Variants in MAML2 observed in about 807,000 individuals in gnomAD.
MAML2 encodes the protein mastermind like transcriptional coactivator 2.
A neutral mutation model predicts 96.1 loss-of-function variants in MAML2; 22 were observed. The observed-to-expected ratio is 0.23, with a 90% CI of 0.16 to 0.33. The LOEUF (loss-of-function observed/expected upper bound fraction) is 0.33. Among genes scored for constraint, MAML2 ranks in the 10% least tolerant of loss-of-function variants. MAML2 has a pLI of 1.00. For synonymous variants in MAML2, 561 were observed against 521.3 expected, an observed-to-expected ratio of 1.08 and a Z score of -1.04; for missense variants, 1,367 against 1,392.4, an observed-to-expected ratio of 0.98 and a Z score of 0.29.
chr11:96,341,250 T>C, intron 1 of MAML2, 133 bp downstream of exon 1: 1 of 1,007,784 alleles, frequency 9.9e-7, no homozygotes, highest in Middle Eastern at 2.1e-4. Flanking sequence ...ACACACCCAA[T>C]GGCCTTTAAG....
rs1235009520 is a variant in MAML2 at position 96,267,702 on chromosome 11, G to A, written c.513+73681C>T. ...TGCTACCTGTTCTGACCTCCCTACA[G>A]GGGCTCAATTCCTCCAGTCACTAGT... On this transcript the variant is annotated intron_variant, in intron 1 of 4. Transcript: ENST00000524717. Among the ~76,000 whole-genome samples the A allele has an allele frequency of 3.3e-5, 5 of 152,296 alleles. No homozygotes were observed. In the South Asian group the frequency reaches 1.0e-3, roughly 32 times the overall value.
chr11:96,336,529 AAATTTAG>A (rs1456749402), intron 1 of MAML2, among the ~76,000 whole-genome samples: 1 of 152,198 alleles, frequency 6.6e-6, no homozygotes, highest in African/African-American at 2.4e-5. Context: ...GCAAAATAAA[AAATTTAG>A]AATTGTTTTC....
intron 1 of MAML2, among the ~76,000 whole-genome samples, chr11:96,226,133 C>T (rs1208831133): frequency 6.6e-6 from 1 of 152,098 alleles, no homozygotes; most frequent in Admixed American, 6.5e-5. Flanking sequence ...CCTAGTGTTC[C>T]CCACCACAGA....
intron 1 of MAML2, among the ~76,000 whole-genome samples, chr11:96,333,693 C>G (rs1269078104): frequency 1.3e-5 from 2 of 152,200 alleles, no homozygotes; most frequent in East Asian, 3.9e-4. Flanking sequence ...TATTCATCTG[C>G]AGATGCAGTA....
At chr11:96,179,322 A>G (rs1395400910) in intron 1 of MAML2, among the ~76,000 whole-genome samples, 1 of 152,246 alleles carries the variant, frequency 6.6e-6, no homozygotes. Context: ...GAGAAAATAC[A>G]CAGGATCAAG....
intron 1 of MAML2, among the ~76,000 whole-genome samples, chr11:96,301,177 A>G (rs1358059165): frequency 6.6e-6 from 1 of 152,228 alleles, no homozygotes; most frequent in African/African-American, 2.4e-5. Flanking sequence ...AAAATTATAC[A>G]TATACACATA....
At chr11:96,181,968 G>T (rs1220701661) in intron 1 of MAML2, among the ~76,000 whole-genome samples, 1 of 151,940 alleles carries the variant, frequency 6.6e-6, no homozygotes, top group Non-Finnish European at 1.5e-5. Flanking sequence ...TCTCATCTTG[G>T]CTCCCTTAAA....
At chr11:96,234,257 G>A (rs575754735) in intron 1 of MAML2, among the ~76,000 whole-genome samples, 146 of 152,142 alleles carry the variant, frequency 9.6e-4, no homozygotes, top group Non-Finnish European at 1.6e-3. Flanking sequence ...CAAGGCGGGC[G>A]GGTCACCTAA....
chr11:96,324,241 C>G (rs528214), intron 1 of MAML2, among the ~76,000 whole-genome samples: 62,985 of 152,134 alleles, frequency 0.41, 13,743 homozygotes, highest in African/African-American at 0.57. Context: ...ACCTGGGCAT[C>G]TTCCTTCACC....
intron 1 of MAML2, among the ~76,000 whole-genome samples, chr11:96,179,601 G>A (rs1289452972): frequency 6.6e-6 from 1 of 152,146 alleles, no homozygotes; most frequent in African/African-American, 2.4e-5. Context: ...GTCTCTGAAG[G>A]TTAGATGATA....
Position 96,327,074 on chromosome 11 carries a change from G to A in MAML2, c.513+14309C>T, listed in dbSNP as rs575412370. Among the ~76,000 whole-genome samples, 17 of 152,322 alleles carry A rather than the reference G, an allele frequency of 1.1e-4. No homozygotes were observed. The South Asian group carries it at 1.9e-3, about 17-fold the overall frequency. On this transcript the variant is annotated intron_variant, in intron 1 of 4. Coordinates refer to ENST00000524717, the MANE Select transcript of MAML2 (RefSeq NM_032427.4). ...ATGGGATAACATGATGGGAGATTTC[G>A]CGAGAGAAGGAGATCAGTCATGTGT...
At chr11:96,031,855 G>A (rs1357061919) in intron 2 of MAML2, among the ~76,000 whole-genome samples, 2 of 152,028 alleles carry the variant, frequency 1.3e-5, no homozygotes, top group Non-Finnish European at 2.9e-5. Context: ...GCATGGTGGT[G>A]GACACCTGTA....
chr11:96,164,820 T>G (rs1032129684), intron 1 of MAML2, among the ~76,000 whole-genome samples: 1 of 152,176 alleles, frequency 6.6e-6, no homozygotes, highest in Admixed American at 6.5e-5. Context: ...AATGTCAAAT[T>G]CTGCTTCAAG....
At chr11:96,215,926 A>G (rs505694) in intron 1 of MAML2, among the ~76,000 whole-genome samples, 2 of 152,196 alleles carry the variant, frequency 1.3e-5, no homozygotes, top group East Asian at 3.9e-4. Flanking sequence ...TTAGGCCCCC[A>G]AAGACTTCCA....
At chr11:96,104,722 A>G (rs1859994284) in intron 1 of MAML2, among the ~76,000 whole-genome samples, 1 of 152,202 alleles carries the variant, frequency 6.6e-6, no homozygotes, top group Admixed American at 6.5e-5. Context: ...AGCAACAGAC[A>G]GGGAAAGCAA....
chr11:96,341,806 C>T lies in MAML2; in HGVS notation c.90G>A (p.Pro30=), dbSNP rs780658671. ...AGLLGGGSVT[P]RVHSAIVERL... ...GCTCCACGATAGCACTGTGCACTCT[C>T]GGGGTGACTGAGCCCCCTCCAAGGA... The change falls in exon 1 of 5, where the codon CCG becomes CCA. Residue 30 remains proline, a synonymous_variant. Coordinates refer to ENST00000524717, the MANE Select transcript of MAML2 (RefSeq NM_032427.4). 1.2e-6 allele frequency: 2 copies of T among 1,603,028 alleles called. No homozygotes were observed. Among genetic ancestry groups the T allele is most frequent in the Admixed American group, 1.7e-5 (1 of 59,152 alleles).
intron 1 of MAML2, among the ~76,000 whole-genome samples, chr11:96,138,804 G>A (rs1386122635): frequency 6.6e-6 from 1 of 151,974 alleles, no homozygotes; most frequent in Non-Finnish European, 1.5e-5. Flanking sequence ...GAATCCTCCT[G>A]ACAACTTTGT....
Position 96,330,636 on chromosome 11 carries a change from A to C in MAML2, c.513+10747T>G, listed in dbSNP as rs144725265. On this transcript the variant is annotated intron_variant, in intron 1 of 4. Coordinates refer to ENST00000524717, the MANE Select transcript of MAML2 (RefSeq NM_032427.4). Reference sequence around the variant, plus strand: ...CACCTGGGCTCACTTGTGTGGCCACATTGAGCTGGAAGATTGGCTGGGTCC... The same window carrying C: ...CACCTGGGCTCACTTGTGTGGCCACCTTGAGCTGGAAGATTGGCTGGGTCC... 1.5e-3 allele frequency among the ~76,000 whole-genome samples: 228 copies of C among 152,338 alleles called. 1 individual carries two copies. Among genetic ancestry groups the C allele is most frequent in the Middle Eastern group, 0.01 (3 of 294 alleles).
intron 2 of MAML2, among the ~76,000 whole-genome samples, chr11:96,057,565 T>C (rs1859089465): frequency 6.6e-6 from 1 of 152,242 alleles, no homozygotes. Flanking sequence ...GAATAATCTT[T>C]TTAAAAAGTA....
Sources: allele counts gnomAD v4.1 joint callset (sites outside exome capture counted in the v4.1 genomes callset), GRCh38; gene constraint gnomAD v4.1.1; transcripts MANE v1.5; gene names NCBI Gene and HGNC (gene_info 2026-07-23, HGNC 2026-07-21).